CDH19: variants seen among roughly 807,000 people sequenced by gnomAD.
CDH19 encodes cadherin-19.
In CDH19, 67 loss-of-function variants were observed where a neutral mutation model predicts 64.2. The observed-to-expected ratio is 1.04, with a 90% confidence interval of 0.86 to 1.28. The LOEUF (loss-of-function observed/expected upper bound fraction) is 1.28. CDH19 is among the 50% of genes most tolerant of loss of function. The pLI is 0.00. For synonymous variants in CDH19, 346 were observed against 319.3 expected (o/e 1.08, Z -0.89); for missense variants, 1,030 against 929.0 (o/e 1.11, Z -1.41).
chr18:66,575,018 A>T (rs1424922588), intron 1 of CDH19, among the ~76,000 whole-genome samples: 1 of 151,850 alleles, frequency 6.6e-6, no homozygotes, highest in Non-Finnish European at 1.5e-5. Flanking sequence ...TCCAAAGAAC[A>T]TGTAAAAAAA....
At chr18:66,508,892 T>C (rs1234535994) in intron 11 of CDH19, 103 bp downstream of exon 11, 5 of 1,210,468 alleles carry the variant, frequency 4.1e-6, no homozygotes, top group Non-Finnish European at 5.8e-6. Context: ...TAACTATGTA[T>C]TTATCATGTT....
At chr18:66,574,439 A>G (rs1365138054) in intron 1 of CDH19, among the ~76,000 whole-genome samples, 2 of 151,666 alleles carry the variant, frequency 1.3e-5, no homozygotes, top group Non-Finnish European at 3.0e-5. Flanking sequence ...TTTAGAGAAT[A>G]ATACTACAAT....
chr18:66,538,575 T>C (rs1263274561), intron 7 of CDH19, among the ~76,000 whole-genome samples: 1 of 152,146 alleles, frequency 6.6e-6, no homozygotes, highest in Admixed American at 6.6e-5. Context: ...AGATCATGTA[T>C]AAAGCTGCCA....
chr18:66,585,067 C>T (rs781285929), intron 1 of CDH19, among the ~76,000 whole-genome samples: 17 of 151,898 alleles, frequency 1.1e-4, no homozygotes, highest in Admixed American at 3.3e-4. Flanking sequence ...AACGACCAAC[C>T]GTTGAATACA....
At chr18:66,523,292 T>C (rs971902029) in intron 9 of CDH19, among the ~76,000 whole-genome samples, 1 of 152,150 alleles carries the variant, frequency 6.6e-6, no homozygotes, top group African/African-American at 2.4e-5. Context: ...AATTCTAAGC[T>C]ATAATATCAG....
At chr18:66,576,957 A>C (rs938071571) in intron 1 of CDH19, among the ~76,000 whole-genome samples, 17 of 151,760 alleles carry the variant, frequency 1.1e-4, no homozygotes, top group African/African-American at 3.6e-4. Flanking sequence ...ACAACAGTAC[A>C]TTTTATAATA....
chr18:66,550,904 C>T (rs184472388), intron 5 of CDH19, among the ~76,000 whole-genome samples, 190 bp downstream of exon 5: 1 of 152,174 alleles, frequency 6.6e-6, no homozygotes, highest in African/African-American at 2.4e-5. Flanking sequence ...TAGAAACTAA[C>T]ACATTATTCT....
At chr18:66,601,671 T>TA (rs1485099982) in intron 1 of CDH19, among the ~76,000 whole-genome samples, 1 of 151,988 alleles carries the variant, frequency 6.6e-6, no homozygotes, top group Non-Finnish European at 1.5e-5. Flanking sequence ...GAGTATGTTT[T>TA]AAATTCAGAC....
rs1986152570 is a variant in CDH19 at position 66,524,681 on chromosome 18, T to C, written c.1458+5164A>G. Among the ~76,000 whole-genome samples the C allele has an allele frequency of 3.3e-5, 5 of 151,836 alleles. No individual in the cohort carries two copies. The South Asian group carries it at 1.0e-3, about 31-fold the overall frequency. ...GAAGTGGAAACAGTGAACTTTGTTT[T>C]GGGTTTCTTAATAGAAACAAATCCA... On this transcript the variant is annotated intron_variant, in intron 9 of 11. Transcript: ENST00000262150.
intron 1 of CDH19, among the ~76,000 whole-genome samples, chr18:66,581,668 G>A (rs1988424477): frequency 6.6e-6 from 1 of 152,042 alleles, no homozygotes; most frequent in Non-Finnish European, 1.5e-5. Context: ...GACTCAAAGT[G>A]GTTTGCTGGG....
At chr18:66,534,097 GA>G (rs112935684) in intron 8 of CDH19, among the ~76,000 whole-genome samples, 3,376 of 145,398 alleles carry the variant, frequency 0.023, 99 homozygotes, top group African/African-American at 0.071. Flanking sequence ...TCCTTAAAAT[GA>G]AAAAAAAAAA....
chr18:66,591,661 T>C (rs565308942), intron 1 of CDH19, among the ~76,000 whole-genome samples: 1 of 152,020 alleles, frequency 6.6e-6, no homozygotes, highest in South Asian at 2.1e-4. Context: ...CGTCCGAATA[T>C]AGATTTTGAA....
At chr18:66,593,820 G>A (rs999734752) in intron 1 of CDH19, among the ~76,000 whole-genome samples, 3 of 152,046 alleles carry the variant, frequency 2.0e-5, no homozygotes, top group African/African-American at 7.2e-5. Flanking sequence ...ATGAATTGAA[G>A]GGTAACTGGA....
At chr18:66,563,070 T>C (rs1355218992) in intron 3 of CDH19, among the ~76,000 whole-genome samples, 1 of 152,104 alleles carries the variant, frequency 6.6e-6, no homozygotes, top group Non-Finnish European at 1.5e-5. Context: ...CTTTATCCAC[T>C]GGTGATTATG....
chr18:66,518,100 T>A (rs1374808052), intron 9 of CDH19, among the ~76,000 whole-genome samples: 1 of 152,128 alleles, frequency 6.6e-6, no homozygotes, highest in African/African-American at 2.4e-5. Context: ...CCTATCAGTT[T>A]CAATATTACA....
chr18:66,540,814 T>G (rs1986859125), intron 7 of CDH19, among the ~76,000 whole-genome samples: 2 of 152,150 alleles, frequency 1.3e-5, no homozygotes, highest in African/African-American at 2.4e-5. Context: ...AAATATGAAT[T>G]TTGAGGGACG....
In CDH19 at chr18:66,504,467, T is replaced by G. The variant is rs1258734678; in HGVS notation, c.*345A>C. 3 of 182,408 alleles carry G rather than the reference T, an allele frequency of 1.6e-5. No individual in the cohort carries two copies. The East Asian group carries it at 4.2e-4, about 26-fold the overall frequency. 11.3% of individuals were successfully genotyped at this position (182,408 alleles called of 1,614,324 possible). ...ATTTTTGCTCCTTTAAATTTTCTCG[T>G]TTGGTATTTTTACTCTTTCCTAAGT... On this transcript the variant is annotated 3_prime_UTR_variant, in exon 12 of 12. Transcript: ENST00000262150.
intron 5 of CDH19, among the ~76,000 whole-genome samples, chr18:66,547,985 T>TATATATGTGTATTATATATGTA (rs1307759392): frequency 1.4e-5 from 2 of 147,972 alleles, no homozygotes; most frequent in African/African-American, 4.9e-5. Flanking sequence ...AAATGTGTAA[T>TATATATGTGTATTATATATGTA]ATATATGTGT....
intron 1 of CDH19, among the ~76,000 whole-genome samples, chr18:66,574,059 T>C (rs1449618591): frequency 1.3e-5 from 2 of 151,772 alleles, no homozygotes; most frequent in African/African-American, 4.8e-5. Flanking sequence ...GATTTAAATA[T>C]GTCCACACAA....
Sources: gnomAD v4.1 joint callset for allele counts (sites outside exome capture counted in the v4.1 genomes callset) on GRCh38, gnomAD v4.1.1 for gene constraint, MANE v1.5 for transcripts, NCBI Gene and HGNC (gene_info 2026-07-23, HGNC 2026-07-21) for gene names.